The following ACSF2 variants were observed in gnomAD, a reference collection of about 807,000 sequenced individuals.
ACSF2 encodes medium-chain acyl-CoA ligase ACSF2, mitochondrial.
ACSF2 carries 52 observed loss-of-function variants against 79.3 expected under a neutral mutation model. The observed-to-expected ratio is 0.66, with a 90% CI of 0.53 to 0.83. The LOEUF (loss-of-function observed/expected upper bound fraction) is 0.83. Ranked by LOEUF, ACSF2 falls within the 40% of genes least tolerant of loss-of-function variation. The pLI is 0.00. For missense variants in ACSF2, 661 were observed against 803.3 expected (o/e 0.82, Z 2.14); for synonymous variants, 283 against 312.6 (o/e 0.91, Z 1.00).
chr17:50,449,141 C>T (rs1441122408), intron 1 of ACSF2, among the ~76,000 whole-genome samples: 10 of 150,986 alleles, frequency 6.6e-5, no homozygotes, highest in South Asian at 2.1e-4. Flanking sequence ...TTCAGCCTCC[C>T]GAGTAGCCGG....
intron 10 of ACSF2, chr17:50,468,578 G>A: frequency 6.2e-7 from 1 of 1,614,222 alleles, no homozygotes; most frequent in African/African-American, 1.3e-5. Flanking sequence ...CAGGTGCAAT[G>A]ACACGAGGTT....
intron 1 of ACSF2, among the ~76,000 whole-genome samples, chr17:50,445,579 G>C (rs1407142592): frequency 2.0e-5 from 3 of 152,124 alleles, no homozygotes; most frequent in Non-Finnish European, 4.4e-5. Flanking sequence ...AAGAATGCTT[G>C]AGCTCAGGAG....
chr17:50,432,715 A>G (rs996537536), intron 1 of ACSF2, among the ~76,000 whole-genome samples: 1 of 152,232 alleles, frequency 6.6e-6, no homozygotes, highest in African/African-American at 2.4e-5. Flanking sequence ...GCATGCATGT[A>G]TTCCTCCATT....
intron 10 of ACSF2, chr17:50,465,818 T>C (rs2032670659): frequency 6.2e-7 from 1 of 1,613,614 alleles, no homozygotes; most frequent in African/African-American, 1.3e-5. Flanking sequence ...GCGGTTGTTC[T>C]CCAAATGGAC....
intron 12 of ACSF2, 41 bp downstream of exon 12, chr17:50,472,620 G>A (rs1392886430): frequency 6.4e-7 from 1 of 1,556,944 alleles, no homozygotes; most frequent in Non-Finnish European, 8.7e-7. Context: ...GCCGCTGAGG[G>A]GAGGCTGGAG....
At chr17:50,449,005 G>A (rs939468536) in intron 1 of ACSF2, among the ~76,000 whole-genome samples, 10 of 142,102 alleles carry the variant, frequency 7.0e-5, no homozygotes, top group Non-Finnish European at 1.1e-4. Flanking sequence ...TATACAATAT[G>A]TAGTCTTTTT....
chr17:50,455,610 G>C (rs866786273), intron 1 of ACSF2, among the ~76,000 whole-genome samples: 13 of 152,130 alleles, frequency 8.5e-5, no homozygotes, highest in African/African-American at 2.9e-4. Context: ...TCCTCTTCCA[G>C]GCTGGGCTGG....
intron 1 of ACSF2, among the ~76,000 whole-genome samples, chr17:50,444,846 G>T (rs1396286076): frequency 1.3e-5 from 2 of 152,014 alleles, no homozygotes; most frequent in Non-Finnish European, 2.9e-5. Context: ...TGGCAGATTT[G>T]GTCATTATTG....
intron 1 of ACSF2, among the ~76,000 whole-genome samples, chr17:50,448,111 G>A (rs1016717004): frequency 6.6e-6 from 1 of 151,840 alleles, no homozygotes; most frequent in African/African-American, 2.4e-5. Flanking sequence ...ACATCATCAA[G>A]TGCACTTACA....
chr17:50,459,449 C>T (rs912080610), intron 1 of ACSF2, among the ~76,000 whole-genome samples: 7 of 152,190 alleles, frequency 4.6e-5, no homozygotes, highest in Non-Finnish European at 1.0e-4. Context: ...CCCTATATTG[C>T]CCAGGCTGAT....
intron 1 of ACSF2, among the ~76,000 whole-genome samples, chr17:50,429,891 C>T (rs775005351): frequency 1.3e-5 from 2 of 152,234 alleles, no homozygotes; most frequent in African/African-American, 2.4e-5. Flanking sequence ...CAACTCCTTC[C>T]CCCTATCTAT....
chr17:50,428,108 G>A (rs1915171021), intron 1 of ACSF2, among the ~76,000 whole-genome samples: 2 of 152,206 alleles, frequency 1.3e-5, no homozygotes, highest in African/African-American at 4.8e-5. Context: ...AGGATCACTT[G>A]AGCCCAGGAG....
chr17:50,471,042 C>T lies in ACSF2; in HGVS notation c.1230C>T (p.Thr410=). The change falls in exon 11 of 16, where the codon ACC becomes ACT. Residue 410 remains threonine (T), a synonymous_variant. Transcript: ENST00000300441. The surrounding 1 kb of genome is among the most constrained non-coding windows in gnomAD (Gnocchi z 4.1). ...NMKDLVVAYG[T]TENSPVTFAH... Reference sequence around the variant, plus strand: ...GGACCCTCTAGGTTGCTTATGGAACCACAGAGAACAGTCCCGTGACATTCG... The same window carrying T: ...GGACCCTCTAGGTTGCTTATGGAACTACAGAGAACAGTCCCGTGACATTCG... 1 of 1,614,064 alleles carries T rather than the reference C, an allele frequency of 6.2e-7. No homozygotes were observed. Among genetic ancestry groups the T allele is most frequent in the Non-Finnish European group, 8.5e-7 (1 of 1,179,974 alleles).
intron 1 of ACSF2, among the ~76,000 whole-genome samples, chr17:50,454,680 G>A (rs1403336868): frequency 2.0e-5 from 3 of 152,118 alleles, no homozygotes; most frequent in African/African-American, 7.2e-5. Flanking sequence ...TGGCCAGATC[G>A]GCTGCCGGGG....
At chr17:50,461,168 G>C (rs1324406063) in intron 2 of ACSF2, 74 bp from the exon 3 acceptor site, 4 of 1,603,000 alleles carry the variant, frequency 2.5e-6, no homozygotes, top group Non-Finnish European at 3.4e-6. Flanking sequence ...TCCGGGCTAA[G>C]GGCTGAGGGT....
intron 1 of ACSF2, among the ~76,000 whole-genome samples, chr17:50,449,427 CTG>C (rs1384361611): frequency 7.2e-6 from 1 of 138,786 alleles, no homozygotes; most frequent in African/African-American, 2.7e-5. Context: ...TTCTTTGAGA[CTG>C]AGTCTCGCTT....
intron 1 of ACSF2, among the ~76,000 whole-genome samples, chr17:50,434,695 A>ATTT (rs879273965): frequency 6.9e-6 from 1 of 143,902 alleles, no homozygotes; most frequent in Admixed American, 6.9e-5. Flanking sequence ...CAAAAAAATA[A>ATTT]TTTTTTTTTT....
chr17:50,427,243 G>A (rs551102092), intron 1 of ACSF2, among the ~76,000 whole-genome samples: 1 of 152,360 alleles, frequency 6.6e-6, no homozygotes, highest in South Asian at 2.1e-4. Flanking sequence ...GGAGAAGTCA[G>A]AACAAAGCTG....
At chr17:50,446,546 C>T (rs1354515755) in intron 1 of ACSF2, among the ~76,000 whole-genome samples, 3 of 152,158 alleles carry the variant, frequency 2.0e-5, no homozygotes, top group Admixed American at 6.6e-5. Context: ...CAGAAAAGTA[C>T]ACATATTTTA....
Sources: allele counts gnomAD v4.1 joint callset (sites outside exome capture counted in the v4.1 genomes callset), GRCh38; gene constraint gnomAD v4.1.1; non-coding constraint Gnocchi (gnomAD v3.1); transcripts MANE v1.5; gene names NCBI Gene and HGNC (gene_info 2026-07-23, HGNC 2026-07-21).